Variants in GALNT17 observed in about 807,000 individuals in gnomAD.
GALNT17 encodes the protein UDP-GalNAc:polypeptide N-acetylgalactosaminyltransferase-like 3.
Under a neutral mutation model 63.7 loss-of-function variants are expected in GALNT17, and 29 were observed. The ratio of observed to expected loss-of-function variants is 0.46; its 90% CI spans 0.34 to 0.62. The LOEUF (loss-of-function observed/expected upper bound fraction) is 0.62, where lower values mean the gene tolerates loss of function less well. GALNT17 is among the 20% of genes least tolerant of loss of function. The probability of loss-of-function intolerance (pLI) is 0.01; values close to 1 mark genes in which losing one functional copy is unlikely to be tolerated. For synonymous variants in GALNT17, 305 were observed against 318.3 expected, an observed-to-expected ratio of 0.96 and a Z score of 0.45; for missense variants, 603 against 799.6, an observed-to-expected ratio of 0.75 and a Z score of 2.97.
At chr7:71,229,021 C>A (rs754778818) in intron 1 of GALNT17, among the ~76,000 whole-genome samples, 1 of 152,156 alleles carries the variant, frequency 6.6e-6, no homozygotes, top group East Asian at 1.9e-4. Flanking sequence ...GGTTCTGACC[C>A]GTGACGTGAA....
Position 71,429,907 on chromosome 7 carries a change from A to G in GALNT17, c.962+8802A>G, listed in dbSNP as rs570319695. Reference sequence around the variant, plus strand: ...CTTTTAGTAGAGATAAGGTTTTATCATGTTGGCAAGACTGGTCTCAAACTC... The same window carrying G: ...CTTTTAGTAGAGATAAGGTTTTATCGTGTTGGCAAGACTGGTCTCAAACTC... On this transcript the variant is annotated intron_variant, in intron 5 of 10. Transcript: ENST00000333538. Among the ~76,000 whole-genome samples, 3 of 152,258 alleles carry G rather than the reference A, an allele frequency of 2.0e-5. No individual in the cohort carries two copies. The East Asian group carries it at 5.8e-4, about 29-fold the overall frequency.
chr7:71,471,486 A>G (rs557393583), intron 5 of GALNT17, among the ~76,000 whole-genome samples: 1 of 152,206 alleles, frequency 6.6e-6, no homozygotes, highest in African/African-American at 2.4e-5. Flanking sequence ...TAGGCAATTA[A>G]TGCAAGAGAT....
At chr7:71,497,807 C>A (rs1788120405) in intron 5 of GALNT17, among the ~76,000 whole-genome samples, 1 of 152,226 alleles carries the variant, frequency 6.6e-6, no homozygotes, top group Admixed American at 6.5e-5. Flanking sequence ...GGAACACCAT[C>A]TGTGGGGGCT....
chr7:71,258,027 G>A (rs762255417), intron 1 of GALNT17, among the ~76,000 whole-genome samples: 7 of 152,090 alleles, frequency 4.6e-5, no homozygotes, highest in East Asian at 1.9e-4. Flanking sequence ...ATGGCCTCCC[G>A]CCATTGCTAA....
chr7:71,680,598 C>G lies in GALNT17; in HGVS notation c.1500+3292C>G, dbSNP rs1308628572. Among the ~76,000 whole-genome samples the G allele has an allele frequency of 7.6e-4, 8 of 10,542 alleles. 1 individual carries two copies. The highest frequency in any genetic ancestry group is 1.9e-3 in the Admixed American group (1 of 528). The allele number at this position is 10,542 out of a possible 152,430, so 6.9% of individuals were successfully genotyped here. ...TCTCTCCCTTCCTCCCTCCCTCTCT[C>G]TCTTCCTCCCTCCCTCTCTCCCTCC... On this transcript the variant is annotated intron_variant, in intron 9 of 10. Coordinates refer to ENST00000333538, the MANE Select transcript of GALNT17 (RefSeq NM_022479.3).
chr7:71,269,388 G>T (rs182816958), intron 1 of GALNT17, among the ~76,000 whole-genome samples: 15 of 152,300 alleles, frequency 9.8e-5, no homozygotes, highest in African/African-American at 3.4e-4. Context: ...GATCATTTGA[G>T]CCCAGGAGTT....
At chr7:71,147,237 A>G (rs1324074305) in intron 1 of GALNT17, among the ~76,000 whole-genome samples, 1 of 152,184 alleles carries the variant, frequency 6.6e-6, no homozygotes, top group Non-Finnish European at 1.5e-5. Context: ...AACTTACACA[A>G]TCACAAGGTC....
intron 5 of GALNT17, among the ~76,000 whole-genome samples, chr7:71,464,329 A>G (rs1233685886): frequency 6.6e-6 from 1 of 152,174 alleles, no homozygotes; most frequent in Non-Finnish European, 1.5e-5. Flanking sequence ...TGGACTTGGC[A>G]TGGACAGACA....
intron 1 of GALNT17, among the ~76,000 whole-genome samples, chr7:71,205,125 ATTTTATT>A (rs1789246390): frequency 7.8e-6 from 1 of 128,944 alleles, no homozygotes; most frequent in African/African-American, 2.7e-5. Flanking sequence ...TAAGAATTTT[ATTTTATT>A]TTTTATTTTT....
intron 6 of GALNT17, among the ~76,000 whole-genome samples, chr7:71,603,232 C>A (rs1438801070): frequency 6.6e-6 from 1 of 151,974 alleles, no homozygotes; most frequent in African/African-American, 2.4e-5. Context: ...AGTGCATACA[C>A]TGGATACTGT....
At position 71,662,216 on chromosome 7, in the gene GALNT17, C is replaced by T. The variant is rs141248807; in HGVS notation, c.1081-3195C>T. 2.0e-3 allele frequency among the ~76,000 whole-genome samples: 303 copies of T among 152,200 alleles called. 1 individual carries two copies. Among genetic ancestry groups the T allele is most frequent in the African/African-American group, 6.7e-3 (280 of 41,524 alleles). ...TCTCTTATGCGCCTGTGTCTGTCATCCCTGCTAAGTCCTTGAAGAGTTCTG... is the reference window on the plus strand; with the variant it reads ...TCTCTTATGCGCCTGTGTCTGTCATTCCTGCTAAGTCCTTGAAGAGTTCTG... On this transcript the variant is annotated intron_variant, in intron 6 of 10. Coordinates refer to ENST00000333538, the MANE Select transcript of GALNT17 (RefSeq NM_022479.3).
chr7:71,658,824 G>A (rs1471505245), intron 6 of GALNT17, among the ~76,000 whole-genome samples: 1 of 151,950 alleles, frequency 6.6e-6, no homozygotes, highest in Non-Finnish European at 1.5e-5. Context: ...GGAGGCGGAG[G>A]TTGCGGTGAG....
intron 1 of GALNT17, among the ~76,000 whole-genome samples, chr7:71,242,515 T>C (rs919152089): frequency 6.6e-6 from 1 of 151,864 alleles, no homozygotes; most frequent in African/African-American, 2.4e-5. Flanking sequence ...TGATCCGCCC[T>C]CCTCAGCCTC....
At chr7:71,272,415 A>G (rs1790610352) in intron 1 of GALNT17, among the ~76,000 whole-genome samples, 1 of 152,204 alleles carries the variant, frequency 6.6e-6, no homozygotes, top group South Asian at 2.1e-4. Context: ...TGTTTTCCAA[A>G]GTGGCTCTAC....
At chr7:71,140,767 A>G (rs748967385) in intron 1 of GALNT17, among the ~76,000 whole-genome samples, 5 of 152,184 alleles carry the variant, frequency 3.3e-5, no homozygotes, top group African/African-American at 4.8e-5. Context: ...CACGCCTGTA[A>G]TCCCAGCACT....
intron 1 of GALNT17, among the ~76,000 whole-genome samples, chr7:71,150,023 C>T (rs935340450): frequency 6.6e-6 from 1 of 152,124 alleles, no homozygotes; most frequent in African/African-American, 2.4e-5. Context: ...TGTGTCATTG[C>T]TTAGGCACAC....
intron 5 of GALNT17, among the ~76,000 whole-genome samples, chr7:71,510,245 C>T (rs1563145297): frequency 6.6e-6 from 1 of 152,166 alleles, no homozygotes; most frequent in Non-Finnish European, 1.5e-5. Flanking sequence ...CTGCACCTGG[C>T]CCCTGAAATG....
chr7:71,414,405 T>C (rs1793487884), intron 3 of GALNT17, among the ~76,000 whole-genome samples: 1 of 152,328 alleles, frequency 6.6e-6, no homozygotes, highest in East Asian at 1.9e-4. Context: ...TCTATATAGC[T>C]TTTCCTTTAG....
At chr7:71,625,321 T>C (rs1209459652) in intron 6 of GALNT17, among the ~76,000 whole-genome samples, 1 of 152,214 alleles carries the variant, frequency 6.6e-6, no homozygotes, top group Admixed American at 6.5e-5. Context: ...ATTTTTTATA[T>C]TTTTAGTAGA....
Sources: allele counts gnomAD v4.1 joint callset (sites outside exome capture counted in the v4.1 genomes callset), GRCh38; gene constraint gnomAD v4.1.1; transcripts MANE v1.5; gene names NCBI Gene and HGNC (gene_info 2026-07-23, HGNC 2026-07-21).